Variants in FBXL7 observed in about 807,000 individuals in gnomAD.
The protein encoded by FBXL7 is F-box and leucine rich repeat protein 7, also known as F-box/LRR-repeat protein 7.
A neutral mutation model predicts 38.3 loss-of-function variants in FBXL7; 12 were observed. The ratio of observed to expected loss-of-function variants is 0.31; its 90% CI spans 0.20 to 0.51. The LOEUF (loss-of-function observed/expected upper bound fraction) is 0.51. Ranked by LOEUF, FBXL7 falls within the 20% of genes least tolerant of loss-of-function variation. The pLI is 0.98. For missense variants in FBXL7, 567 were observed against 676.4 expected (o/e 0.84, Z 1.79); for synonymous variants, 297 against 300.9 (o/e 0.99, Z 0.13).
At chr5:15,559,075 ATGTT>A (rs983287714) in intron 1 of FBXL7, among the ~76,000 whole-genome samples, 1 of 152,236 alleles carries the variant, frequency 6.6e-6, no homozygotes, top group East Asian at 1.9e-4. Flanking sequence ...CAGTAGTAGT[ATGTT>A]TGTTTGTTTA....
At chr5:15,869,039 A>G (rs867030304) in intron 2 of FBXL7, among the ~76,000 whole-genome samples, 2 of 152,176 alleles carry the variant, frequency 1.3e-5, no homozygotes, top group Non-Finnish European at 2.9e-5. Flanking sequence ...CTCAAAGCTC[A>G]TTATGAGTCA....
intron 1 of FBXL7, among the ~76,000 whole-genome samples, chr5:15,596,193 C>T (rs774081213): frequency 7.2e-5 from 11 of 152,022 alleles, no homozygotes; most frequent in Non-Finnish European, 1.6e-4. Flanking sequence ...ATGGTCATGC[C>T]AAAACCGGGC....
intron 1 of FBXL7, among the ~76,000 whole-genome samples, chr5:15,545,263 G>A (rs778084597): frequency 9.2e-5 from 14 of 152,242 alleles, no homozygotes; most frequent in Middle Eastern, 6.8e-3. Context: ...TTGAGTATTG[G>A]CTCTGTGCCA....
intron 1 of FBXL7, among the ~76,000 whole-genome samples, chr5:15,516,528 A>G (rs866775582): frequency 1.3e-4 from 20 of 152,316 alleles, no homozygotes; most frequent in African/African-American, 4.8e-4. Flanking sequence ...ATATATTTGT[A>G]GGTATCCATG....
At chr5:15,780,057 T>G (rs1736952982) in intron 2 of FBXL7, among the ~76,000 whole-genome samples, 1 of 152,126 alleles carries the variant, frequency 6.6e-6, no homozygotes, top group Admixed American at 6.6e-5. Context: ...CTTTGGCCAG[T>G]CCTCCTTTGA....
At chr5:15,814,973 A>G (rs566830607) in intron 2 of FBXL7, among the ~76,000 whole-genome samples, 2 of 152,238 alleles carry the variant, frequency 1.3e-5, no homozygotes, top group Non-Finnish European at 2.9e-5. Flanking sequence ...AAGCAGCCCC[A>G]CTGGTGAGCC....
At chr5:15,718,081 T>A (rs1374748612) in intron 2 of FBXL7, among the ~76,000 whole-genome samples, 1 of 151,940 alleles carries the variant, frequency 6.6e-6, no homozygotes, top group Non-Finnish European at 1.5e-5. Flanking sequence ...GGACGCAGAG[T>A]CAGTCACAAG....
chr5:15,748,787 C>G (rs1382552634), intron 2 of FBXL7, among the ~76,000 whole-genome samples: 1 of 152,160 alleles, frequency 6.6e-6, no homozygotes, highest in Non-Finnish European at 1.5e-5. Flanking sequence ...ACTGCAGGCT[C>G]AAACTTGGGG....
intron 2 of FBXL7, among the ~76,000 whole-genome samples, chr5:15,774,445 T>C (rs1242981442): frequency 6.6e-6 from 1 of 152,194 alleles, no homozygotes. Flanking sequence ...GATGTAGATA[T>C]GGTTTTATGT....
intron 2 of FBXL7, among the ~76,000 whole-genome samples, chr5:15,788,693 CT>C (rs371662297): frequency 1.8e-4 from 27 of 146,588 alleles, no homozygotes; most frequent in South Asian, 4.3e-4. Context: ...AAGGGCACCT[CT>C]TTTTTTTTTT....
chr5:15,807,005 C>T (rs1737732281), intron 2 of FBXL7, among the ~76,000 whole-genome samples: 1 of 152,012 alleles, frequency 6.6e-6, no homozygotes, highest in African/African-American at 2.4e-5. Flanking sequence ...GGCTGGAGTG[C>T]AAATGGCACA....
intron 2 of FBXL7, among the ~76,000 whole-genome samples, chr5:15,843,017 A>G (rs1307898529): frequency 6.6e-6 from 1 of 152,190 alleles, no homozygotes; most frequent in Non-Finnish European, 1.5e-5. Context: ...TACAAATACG[A>G]GGTTGTATAC....
intron 1 of FBXL7, among the ~76,000 whole-genome samples, chr5:15,578,976 T>C (rs1479754794): frequency 2.0e-5 from 3 of 152,228 alleles, no homozygotes; most frequent in African/African-American, 7.2e-5. Flanking sequence ...TGCCATCAAA[T>C]AGATACATGT....
At chr5:15,564,272 G>T (rs1738498769) in intron 1 of FBXL7, among the ~76,000 whole-genome samples, 1 of 151,888 alleles carries the variant, frequency 6.6e-6, no homozygotes, top group South Asian at 2.1e-4. Context: ...CAGGTTTTAT[G>T]ATTTTTGCCA....
At chr5:15,641,677 C>T (rs924127787) in intron 2 of FBXL7, among the ~76,000 whole-genome samples, 40 of 152,130 alleles carry the variant, frequency 2.6e-4, no homozygotes, top group African/African-American at 7.5e-4. Flanking sequence ...CCAGTGTGGG[C>T]GAGTCTCATC....
intron 1 of FBXL7, among the ~76,000 whole-genome samples, chr5:15,541,439 GTGTGTA>G (rs1737744010): frequency 1.7e-5 from 1 of 58,296 alleles, no homozygotes; most frequent in African/African-American, 6.8e-5. Flanking sequence ...ATATGTGTGT[GTGTGTA>G]TATATATATA....
At chr5:15,778,454 A>G (rs1275854677) in intron 2 of FBXL7, among the ~76,000 whole-genome samples, 1 of 152,090 alleles carries the variant, frequency 6.6e-6, no homozygotes, top group African/African-American at 2.4e-5. Flanking sequence ...GAGAGCTTTG[A>G]AAACAAATAC....
At chr5:15,610,681 GGAA>G (rs1740203313) in intron 1 of FBXL7, among the ~76,000 whole-genome samples, 1 of 152,124 alleles carries the variant, frequency 6.6e-6, no homozygotes, top group African/African-American at 2.4e-5. Flanking sequence ...ATCCAACATA[GGAA>G]CCTCATTCTA....
intron 2 of FBXL7, among the ~76,000 whole-genome samples, chr5:15,704,178 G>A (rs1472454676): frequency 6.6e-6 from 1 of 152,128 alleles, no homozygotes; most frequent in African/African-American, 2.4e-5. Flanking sequence ...GAGTGCACAG[G>A]CCACTCTTCA....
Sources: gnomAD v4.1 joint callset for allele counts (sites outside exome capture counted in the v4.1 genomes callset) on GRCh38, gnomAD v4.1.1 for gene constraint, MANE v1.5 for transcripts, NCBI Gene and HGNC (gene_info 2026-07-23, HGNC 2026-07-21) for gene names.